ASCC1: variants seen among roughly 807,000 people sequenced by gnomAD.
ASCC1 encodes the protein activating signal cointegrator 1 complex subunit 1, also known as ASC-1 complex subunit P50.
Under a neutral mutation model 46.6 loss-of-function variants are expected in ASCC1, and 35 were observed. The observed-to-expected ratio is 0.75, with a 90% CI of 0.57 to 0.99. The LOEUF is 0.99. ASCC1 is among the 50% of genes least tolerant of loss of function. The pLI is 0.00. For synonymous variants in ASCC1, 143 were observed against 146.6 expected (o/e 0.98, Z 0.18); for missense variants, 376 against 428.7 (o/e 0.88, Z 1.09).
chr10:72,130,892 C>T (rs561553197), intron 8 of ASCC1, among the ~76,000 whole-genome samples: 21 of 152,190 alleles, frequency 1.4e-4, no homozygotes, highest in African/African-American at 5.1e-4. Flanking sequence ...TCTTCTGAAA[C>T]AATAAATTTA....
At chr10:72,213,065 A>G in intron 2 of ASCC1, 122 bp downstream of exon 2, 5 of 714,732 alleles carry the variant, frequency 7.0e-6, no homozygotes, top group Admixed American at 2.0e-5. Flanking sequence ...ATGGAGCTAT[A>G]TGAGGCCAAA....
chr10:72,148,300 T>A (rs1303175909), intron 7 of ASCC1, among the ~76,000 whole-genome samples: 2 of 152,068 alleles, frequency 1.3e-5, no homozygotes, highest in African/African-American at 2.4e-5. Flanking sequence ...AAAGAAAATT[T>A]AAAAAAATAA....
intron 5 of ASCC1, among the ~76,000 whole-genome samples, chr10:72,169,481 C>A (rs570186790): frequency 2.6e-4 from 39 of 152,008 alleles, no homozygotes; most frequent in African/African-American, 9.4e-4. Context: ...TACTTGCTAC[C>A]ATTTAAGAAA....
rs372874964 is a variant in ASCC1, at chr10:72,172,515, TC to T, written c.490-10842del. ...GATGTTGGGCTTTTTTTTCTTTTTT[TC>T]TTTTTCTTTTGTAGAAATGGGGTTG... On this transcript the variant is annotated intron_variant, in intron 5 of 9. Coordinates refer to ENST00000672957, the MANE Select transcript of ASCC1 (RefSeq NM_001198800.3). 3.3e-5 allele frequency among the ~76,000 whole-genome samples: 5 copies of T among 149,620 alleles called. No individual in the cohort carries two copies. The South Asian group carries it at 1.0e-3, about 31-fold the overall frequency.
chr10:72,199,549 G>A (rs542332487), intron 4 of ASCC1, among the ~76,000 whole-genome samples: 1 of 152,096 alleles, frequency 6.6e-6, no homozygotes, highest in East Asian at 1.9e-4. Context: ...GCCCTCCTCG[G>A]CCTCCCAAAG....
chr10:72,214,207 CAA>C (rs908179952), intron 1 of ASCC1, among the ~76,000 whole-genome samples: 1 of 145,784 alleles, frequency 6.9e-6, no homozygotes, highest in Admixed American at 6.7e-5. Flanking sequence ...ACAACAACAA[CAA>C]AAAAAAGAGA....
At chr10:72,137,113 A>T (rs1846326448) in intron 7 of ASCC1, among the ~76,000 whole-genome samples, 1 of 151,894 alleles carries the variant, frequency 6.6e-6, no homozygotes, top group Non-Finnish European at 1.5e-5. Flanking sequence ...ACGGGGTATC[A>T]CTATATTGCT....
intron 5 of ASCC1, among the ~76,000 whole-genome samples, chr10:72,191,876 G>A (rs984096292): frequency 1.3e-5 from 2 of 151,508 alleles, no homozygotes; most frequent in Non-Finnish European, 2.9e-5. Flanking sequence ...TCGAACTCCT[G>A]ACCTCAAGTG....
intron 2 of ASCC1, 114 bp downstream of exon 2, chr10:72,213,073 A>C: frequency 1.3e-6 from 1 of 748,444 alleles, no homozygotes; most frequent in Non-Finnish European, 2.4e-6. Flanking sequence ...ATATGAGGCC[A>C]AACATCTCAA....
chr10:72,127,929 A>C (rs566159679), intron 9 of ASCC1, among the ~76,000 whole-genome samples, 153 bp downstream of exon 9: 1 of 152,060 alleles, frequency 6.6e-6, no homozygotes, highest in South Asian at 2.1e-4. Flanking sequence ...AGGACCAGCT[A>C]CTTTTCCTCT....
chr10:72,190,899 G>C (rs1478016586), intron 5 of ASCC1, among the ~76,000 whole-genome samples: 1 of 150,098 alleles, frequency 6.7e-6, no homozygotes, highest in Non-Finnish European at 1.5e-5. Flanking sequence ...TATAGGCTGA[G>C]GCAGGAGAAT....
chr10:72,123,067 GTGGCT>G (rs1844403571), intron 9 of ASCC1, among the ~76,000 whole-genome samples: 1 of 152,178 alleles, frequency 6.6e-6, no homozygotes, highest in African/African-American at 2.4e-5. Context: ...GCTGGGCGCG[GTGGCT>G]AATGCCTGTA....
intron 9 of ASCC1, chr10:72,102,437 G>A: frequency 6.5e-7 from 1 of 1,534,568 alleles, no homozygotes; most frequent in African/African-American, 1.4e-5. Flanking sequence ...AGTGGAAACA[G>A]ATCACTATAA....
chr10:72,190,638 C>A, intron 5 of ASCC1: 1 of 803,406 alleles, frequency 1.2e-6, no homozygotes, highest in Non-Finnish European at 1.9e-6. Flanking sequence ...TGTGTGCTTA[C>A]AGGTGTTATT....
rs79762019 is a variant in ASCC1 at position 72,128,887 on chromosome 10, T to C, written c.872-720A>G. 4.7e-3 allele frequency among the ~76,000 whole-genome samples: 710 copies of C among 152,294 alleles called. 7 individuals are homozygous for C. Among genetic ancestry groups the C allele is most frequent in the African/African-American group, 0.016 (678 of 41,568 alleles). On this transcript the variant is annotated intron_variant, in intron 8 of 9. Transcript: ENST00000672957. ...ATGTCCTTCTCAAGTAAAAATTCAA[T>C]ACAGGAGAGTCCAGAGTACAAAAAA...
intron 9 of ASCC1, among the ~76,000 whole-genome samples, chr10:72,123,760 A>T (rs920137433): frequency 6.6e-6 from 1 of 152,188 alleles, no homozygotes; most frequent in African/African-American, 2.4e-5. Context: ...GAGAGTGTTT[A>T]AGAAGTTAAT....
chr10:72,146,807 T>C (rs1847683190), intron 7 of ASCC1, among the ~76,000 whole-genome samples: 1 of 152,092 alleles, frequency 6.6e-6, no homozygotes, highest in Non-Finnish European at 1.5e-5. Context: ...TCACATTCAA[T>C]CATTTAAGGG....
intron 4 of ASCC1, chr10:72,198,340 G>C (rs1477964453): frequency 4.1e-5 from 1 of 24,240 alleles, no homozygotes; most frequent in Admixed American, 8.2e-4. Flanking sequence ...GGGGAGGAGA[G>C]GGGAGGGGAG....
intron 6 of ASCC1, 59 bp downstream of exon 6, chr10:72,161,479 T>C: frequency 6.2e-7 from 1 of 1,610,396 alleles, no homozygotes; most frequent in Non-Finnish European, 8.5e-7. Flanking sequence ...AAGTCTGTAA[T>C]ACCAAAAAGA....
Sources: gnomAD v4.1 joint callset for allele counts (sites outside exome capture counted in the v4.1 genomes callset) on GRCh38, gnomAD v4.1.1 for gene constraint, MANE v1.5 for transcripts, NCBI Gene and HGNC (gene_info 2026-07-23, HGNC 2026-07-21) for gene names.